SMAGP: variants seen among roughly 807,000 people sequenced by gnomAD.
The protein encoded by SMAGP is small cell adhesion glycoprotein.
In SMAGP, 7 loss-of-function variants were observed where a neutral mutation model predicts 10.1. The observed-to-expected ratio is 0.70, with a 90% CI of 0.40 to 1.31. SMAGP has a LOEUF of 1.31. SMAGP is among the 50% of genes most tolerant of loss of function. The probability of loss-of-function intolerance (pLI) is 0.01; values close to 1 mark genes in which losing one functional copy is unlikely to be tolerated. For synonymous variants in SMAGP, 49 were observed against 47.2 expected (o/e 1.04, Z -0.16); for missense variants, 113 against 116.5 (o/e 0.97, Z 0.14).
intron 2 of SMAGP, among the ~76,000 whole-genome samples, chr12:51,252,226 T>G (rs1944845711): frequency 6.6e-6 from 1 of 151,354 alleles, no homozygotes; most frequent in East Asian, 1.9e-4. Flanking sequence ...CCCGAGTAGC[T>G]GGGACTACAG....
intron 1 of SMAGP, 96 bp from the exon 2 acceptor site, chr12:51,269,412 C>A: frequency 1.1e-6 from 1 of 924,768 alleles, no homozygotes; most frequent in East Asian, 2.5e-5. Flanking sequence ...CCAGGTTCTC[C>A]CAAGTCCCTT....
At chr12:51,261,803 C>T (rs1944934836) in intron 2 of SMAGP, among the ~76,000 whole-genome samples, 1 of 152,032 alleles carries the variant, frequency 6.6e-6, no homozygotes, top group African/African-American at 2.4e-5. Context: ...AAATAAATTA[C>T]AGGCCATCCA....
intron 2 of SMAGP, among the ~76,000 whole-genome samples, chr12:51,265,941 G>A (rs760529680): frequency 1.3e-5 from 2 of 152,154 alleles, no homozygotes; most frequent in African/African-American, 2.4e-5. Context: ...AATTAGCCGG[G>A]CGTGGTGGTG....
At position 51,259,514 on chromosome 12, in the gene SMAGP, A is replaced by G. The variant is rs1216176054; in HGVS notation, c.34+9731T>C. ...CTGAAGAAATGCACCAAACTGAACA[A>G]GATGAGAATTTAACACATTCCTTGC... On this transcript the variant is annotated intron_variant, in intron 2 of 3. Coordinates refer to ENST00000603798, the MANE Select transcript of SMAGP (RefSeq NM_001031628.2). 2.6e-5 allele frequency among the ~76,000 whole-genome samples: 4 copies of G among 152,314 alleles called. No homozygotes were observed. The South Asian group carries it at 6.2e-4, about 24-fold the overall frequency.
intron 2 of SMAGP, among the ~76,000 whole-genome samples, chr12:51,268,882 G>A (rs563934427): frequency 6.6e-6 from 1 of 151,948 alleles, no homozygotes; most frequent in South Asian, 2.1e-4. Context: ...CACCACGCCC[G>A]GCCTCTTTCT....
chr12:51,262,591 A>C (rs1944940595), intron 2 of SMAGP, among the ~76,000 whole-genome samples: 1 of 152,106 alleles, frequency 6.6e-6, no homozygotes, highest in African/African-American at 2.4e-5. Flanking sequence ...TTTCTACCCC[A>C]TTTTTTTGTC....
At chr12:51,248,900 CAAAAA>C (rs545881552) in intron 2 of SMAGP, among the ~76,000 whole-genome samples, 1,689 of 95,392 alleles carry the variant, frequency 0.018, 29 homozygotes, top group African/African-American at 0.074. Flanking sequence ...AAAAATACCA[CAAAAA>C]AAAAAAAAAA....
intron 2 of SMAGP, 66 bp from the exon 3 acceptor site, chr12:51,246,897 G>T: frequency 1.5e-6 from 2 of 1,293,514 alleles, no homozygotes; most frequent in Non-Finnish European, 2.1e-6. Flanking sequence ...CATATGTTTG[G>T]CCTTCAAATT....
intron 2 of SMAGP, among the ~76,000 whole-genome samples, chr12:51,255,017 C>G (rs1944873207): frequency 6.6e-6 from 1 of 152,004 alleles, no homozygotes; most frequent in Non-Finnish European, 1.5e-5. Context: ...AGAGACTGAT[C>G]AGATTTTTTT....
intron 2 of SMAGP, among the ~76,000 whole-genome samples, chr12:51,247,799 G>A (rs1186059472): frequency 1.3e-5 from 2 of 152,142 alleles, no homozygotes; most frequent in Admixed American, 6.5e-5. Flanking sequence ...ATGAAAGGTC[G>A]AGCAAAACAG....
chr12:51,257,589 GGCTGGAGT>G (rs2137303686), intron 2 of SMAGP, among the ~76,000 whole-genome samples: 1 of 151,874 alleles, frequency 6.6e-6, no homozygotes, highest in Non-Finnish European at 1.5e-5. Context: ...CTGTCACCCA[GGCTGGAGT>G]GCAGTGGTGC....
chr12:51,268,125 C>T (rs962324011), intron 2 of SMAGP, among the ~76,000 whole-genome samples: 1 of 152,074 alleles, frequency 6.6e-6, no homozygotes, highest in South Asian at 2.1e-4. Context: ...GCCCGGCCTC[C>T]GCACACCTTC....
intron 2 of SMAGP, among the ~76,000 whole-genome samples, chr12:51,250,682 G>A (rs1944829712): frequency 6.6e-6 from 1 of 152,026 alleles, no homozygotes; most frequent in South Asian, 2.1e-4. Context: ...ACACCTGGCA[G>A]TACCTCAGTT....
At chr12:51,256,576 C>T (rs1944886076) in intron 2 of SMAGP, among the ~76,000 whole-genome samples, 1 of 152,048 alleles carries the variant, frequency 6.6e-6, no homozygotes, top group Non-Finnish European at 1.5e-5. Context: ...ACAAAATTAG[C>T]CGGGGTGGTG....
rs1944884032 is a variant in SMAGP, at chr12:51,256,346, G to T, written c.35-9515C>A. On this transcript the variant is annotated intron_variant, in intron 2 of 3. Coordinates refer to ENST00000603798, the MANE Select transcript of SMAGP (RefSeq NM_001031628.2). ...CACGCCTGTAATCTTAGCACTTTGGGAGGCTGAGGCCAGAGGATCACTTGA... is the reference window on the plus strand; with the variant it reads ...CACGCCTGTAATCTTAGCACTTTGGTAGGCTGAGGCCAGAGGATCACTTGA... Among the ~76,000 whole-genome samples the T allele has an allele frequency of 3.3e-5, 5 of 152,150 alleles. 1 individual carries two copies. The South Asian group carries it at 1.0e-3, about 31-fold the overall frequency.
chr12:51,254,410 G>A (rs1331559068), intron 2 of SMAGP, among the ~76,000 whole-genome samples: 2 of 152,062 alleles, frequency 1.3e-5, no homozygotes, highest in Non-Finnish European at 2.9e-5. Context: ...AGCTGGGTGT[G>A]GTGGCGTATG....
At chr12:51,265,310 A>G (rs1168261025) in intron 2 of SMAGP, among the ~76,000 whole-genome samples, 1 of 152,194 alleles carries the variant, frequency 6.6e-6, no homozygotes, top group African/African-American at 2.4e-5. Flanking sequence ...TATATGGTGG[A>G]TCCTCAAAAA....
At chr12:51,252,713 T>C (rs995702287) in intron 2 of SMAGP, among the ~76,000 whole-genome samples, 1 of 151,730 alleles carries the variant, frequency 6.6e-6, no homozygotes, top group Non-Finnish European at 1.5e-5. Flanking sequence ...AAAAGCATTA[T>C]ATTTGCAACA....
At chr12:51,264,667 C>A (rs1174194377) in intron 2 of SMAGP, among the ~76,000 whole-genome samples, 1 of 149,350 alleles carries the variant, frequency 6.7e-6, no homozygotes, top group Non-Finnish European at 1.5e-5. Context: ...CACAGTGGCT[C>A]ATGCCTGTAA....
Sources: gnomAD v4.1 joint callset for allele counts (sites outside exome capture counted in the v4.1 genomes callset) on GRCh38, gnomAD v4.1.1 for gene constraint, MANE v1.5 for transcripts, NCBI Gene and HGNC (gene_info 2026-07-23, HGNC 2026-07-21) for gene names.